Variants in FGF3 observed in about 807,000 individuals in gnomAD.
The protein encoded by FGF3 is FGF-3.
Under a neutral mutation model 9.8 loss-of-function variants are expected in FGF3, and 7 were observed. That is an observed-to-expected ratio of 0.72 (90% CI 0.41 to 1.35). The LOEUF is 1.35. FGF3 is among the 40% of genes most tolerant of loss of function. The pLI, the probability that FGF3 is intolerant of heterozygous loss-of-function variation, is 0.01. For missense variants in FGF3, 390 were observed against 345.6 expected, an observed-to-expected ratio of 1.13 and a Z score of -1.02; for synonymous variants, 173 against 157.2, an observed-to-expected ratio of 1.10 and a Z score of -0.75.
At chr11:69,817,804 C>T (rs1267551698) in intron 1 of FGF3, among the ~76,000 whole-genome samples, 1 of 152,236 alleles carries the variant, frequency 6.6e-6, no homozygotes, top group Non-Finnish European at 1.5e-5. Context: ...CCCACGCGGT[C>T]CTCCCGGGCC....
At chr11:69,818,677 C>T in intron 1 of FGF3, 37 bp downstream of exon 1, 2 of 1,424,626 alleles carry the variant, frequency 1.4e-6, no homozygotes, top group East Asian at 3.1e-5. Flanking sequence ...CCTCCCGGCG[C>T]CGCTTCCCCC....
In FGF3 at chr11:69,818,975, G is replaced by A; in HGVS notation, c.-42C>T. On this transcript the variant is annotated 5_prime_UTR_variant, in exon 1 of 3. Coordinates refer to ENST00000334134, the MANE Select transcript of FGF3 (RefSeq NM_005247.4). Reference sequence around the variant, plus strand: ...CCCCGCGGCGGCGGCGGCTGCAGGCGAGCGCGGCGCCCATGGAAGGGGCGG... The same window carrying A: ...CCCCGCGGCGGCGGCGGCTGCAGGCAAGCGCGGCGCCCATGGAAGGGGCGG... The A allele has an allele frequency of 7.4e-7, 1 of 1,353,488 alleles. No individual in the cohort carries two copies. The highest frequency in any genetic ancestry group is 9.8e-7 in the Non-Finnish European group (1 of 1,024,000). The allele number at this position is 1,353,488 out of a possible 1,614,324, so 83.8% of individuals were successfully genotyped here.
chr11:69,814,261 A>T (rs1466047993), intron 2 of FGF3, among the ~76,000 whole-genome samples: 1 of 151,962 alleles, frequency 6.6e-6, no homozygotes, highest in Non-Finnish European at 1.5e-5. Context: ...GATGAGGCAG[A>T]GGGAGGTGAG....
At chr11:69,813,868 A>G (rs1420501847) in intron 2 of FGF3, among the ~76,000 whole-genome samples, 440 of 114,192 alleles carry the variant, frequency 3.9e-3, no homozygotes, top group East Asian at 7.5e-3. Context: ...GGATGGATGG[A>G]TAGGTGGATG....
chr11:69,813,557 TGGA>T (rs1856060739), intron 2 of FGF3, among the ~76,000 whole-genome samples: 3 of 150,858 alleles, frequency 2.0e-5, no homozygotes, highest in African/African-American at 7.3e-5. Context: ...GGTGGATGGA[TGGA>T]TGGATGGGTG....
intron 2 of FGF3, among the ~76,000 whole-genome samples, chr11:69,812,560 A>C (rs917443733): frequency 8.5e-5 from 13 of 152,112 alleles, no homozygotes; most frequent in African/African-American, 2.7e-4. Context: ...CAGGCCCTAC[A>C]TTACAGGGGA....
In FGF3 at chr11:69,810,594, C is replaced by A. The variant is rs781807006; in HGVS notation, c.431G>T (p.Arg144Leu). 1 of 1,610,978 alleles carries A rather than the reference C, an allele frequency of 6.2e-7. No individual in the cohort carries two copies. The highest frequency in any genetic ancestry group is 8.5e-7 in the Non-Finnish European group (1 of 1,178,450). ...YRTVSSTPGA[R>L]RQPSAERLWY... is the part of the protein sequence containing the mutation. ...CAGTCTCTCGGCGCTGGGCTGCCGG[C>A]GGGCCCCAGGCGTACTAGACACCGT... The change falls in exon 3 of 3, where the codon CGC becomes CTC. Residue 144 changes from arginine to leucine, a missense_variant. By Grantham distance (102) the Arg-to-Leu change is moderately radical. Transcript: ENST00000334134.
intron 2 of FGF3, among the ~76,000 whole-genome samples, chr11:69,814,377 T>C (rs1452319177): frequency 6.6e-6 from 1 of 150,772 alleles, no homozygotes; most frequent in Non-Finnish European, 1.5e-5. Context: ...TGAGAGTGAG[T>C]GGCTGGTGGG....
At chr11:69,813,979 G>T (rs1257803494) in intron 2 of FGF3, among the ~76,000 whole-genome samples, 1 of 152,022 alleles carries the variant, frequency 6.6e-6, no homozygotes, top group Non-Finnish European at 1.5e-5. Flanking sequence ...TGAAAGGATG[G>T]AAGGAAGGAG....
Position 69,810,639 on chromosome 11 carries a change from T to A in FGF3, c.386A>T (p.Tyr129Phe). 1 of 1,600,616 alleles carries A rather than the reference T, an allele frequency of 6.2e-7. No homozygotes were observed. The highest frequency in any genetic ancestry group is 8.5e-7 in the Non-Finnish European group (1 of 1,171,238). Residue 129 changes from tyrosine to phenylalanine, a missense_variant, in exon 3 of 3, where the codon TAT becomes TTT. Tyr to Phe is a conservative substitution (Grantham distance 22). Coordinates refer to ENST00000334134, the MANE Select transcript of FGF3 (RefSeq NM_005247.4). ...ERIHELGYNT[Y>F]ASRLYRTVSS... ...CACCGTCCGGTACAGCCGGGAGGCA[T>A]ACGTATTATAGCCCAGCTCGTGGAT...
Position 69,811,495 on chromosome 11 carries a change from A to C in FGF3, c.325-795T>G, listed in dbSNP as rs367987057. Among the ~76,000 whole-genome samples the C allele has an allele frequency of 2.0e-4, 30 of 152,052 alleles. No individual in the cohort carries two copies. The South Asian group carries it at 5.8e-3, about 30-fold the overall frequency. On this transcript the variant is annotated intron_variant, in intron 2 of 2. Transcript: ENST00000334134. ...AAAGAAAAAAAAAGAAATTGCAGAA[A>C]AGAAAAAAGAAGAAAGAACACAAAA...
At position 69,819,083 on chromosome 11, in the gene FGF3, G is replaced by T; in HGVS notation, c.-150C>A. 1 of 453,876 alleles carries T rather than the reference G, an allele frequency of 2.2e-6. No homozygotes were observed. Among genetic ancestry groups the T allele is most frequent in the South Asian group, 4.0e-5 (1 of 25,066 alleles). 28.1% of individuals were successfully genotyped at this position (453,876 alleles called of 1,614,324 possible). On this transcript the variant is annotated 5_prime_UTR_variant, in exon 1 of 3. Transcript: ENST00000334134. ...CGGCTTCGCGGGAAAGGTGGGGGAAGAAGGGGGAAGGGTGGGCGAGAGAGA... is the reference window on the plus strand; with the variant it reads ...CGGCTTCGCGGGAAAGGTGGGGGAATAAGGGGGAAGGGTGGGCGAGAGAGA...
chr11:69,813,779 G>GATGGATGC lies in FGF3; in HGVS notation c.324+2540_324+2541insGCATCCAT, dbSNP rs1554980748. Among the ~76,000 whole-genome samples, 74 of 143,270 alleles carry GATGGATGC rather than the reference G, an allele frequency of 5.2e-4. 2 individuals carry two copies. The highest frequency in any genetic ancestry group is 8.6e-4 in the Non-Finnish European group (55 of 64,262). 94.0% of individuals were successfully genotyped at this position (143,270 alleles called of 152,430 possible). On this transcript the variant is annotated intron_variant, in intron 2 of 2. Coordinates refer to ENST00000334134, the MANE Select transcript of FGF3 (RefSeq NM_005247.4). ...GGATGGGTGGATGGGTGGATGGATG[G>GATGGATGC]ATGGATGGATGGATGGATGGATGGA... is the stretch of plus-strand genomic sequence containing the variant.
At chr11:69,817,216 G>A (rs1377458908) in intron 1 of FGF3, among the ~76,000 whole-genome samples, 4 of 152,078 alleles carry the variant, frequency 2.6e-5, no homozygotes, top group Non-Finnish European at 5.9e-5. Context: ...GAGGCTGCGA[G>A]GGGATTGGGG....
chr11:69,817,834 T>C (rs1405864005), intron 1 of FGF3, among the ~76,000 whole-genome samples: 1 of 152,132 alleles, frequency 6.6e-6, no homozygotes, highest in Non-Finnish European at 1.5e-5. Context: ...GCTATCCTGC[T>C]CCTCAAAGGG....
intron 1 of FGF3, among the ~76,000 whole-genome samples, chr11:69,817,180 C>T (rs1180354259): frequency 6.6e-6 from 1 of 151,890 alleles, no homozygotes; most frequent in Non-Finnish European, 1.5e-5. Flanking sequence ...CATCAAAGGA[C>T]GGGTTGGGGT....
intron 2 of FGF3, among the ~76,000 whole-genome samples, chr11:69,813,596 GTGGATGGATGGA>G (rs1362257921): frequency 1.5e-5 from 1 of 67,228 alleles, no homozygotes; most frequent in Non-Finnish European, 3.2e-5. Flanking sequence ...AGATGGGTGG[GTGGATGGATGGA>G]TGGATGGGTG....
chr11:69,816,248 C>T (rs996914025), intron 2 of FGF3, 72 bp downstream of exon 2: 13 of 1,186,094 alleles, frequency 1.1e-5, no homozygotes, highest in South Asian at 3.6e-5. Context: ...CCACATCCCC[C>T]GTCCCCTGGC....
intron 2 of FGF3, among the ~76,000 whole-genome samples, chr11:69,811,450 C>CAAAAAAAAAAAAAA (rs33951596): frequency 1.0e-5 from 1 of 97,360 alleles, no homozygotes; most frequent in Non-Finnish European, 2.1e-5. Context: ...AACTCTGACT[C>CAAAAAAAAAAAAAA]AAAAAAAAAA....
Sources: allele counts gnomAD v4.1 joint callset (sites outside exome capture counted in the v4.1 genomes callset), GRCh38; gene constraint gnomAD v4.1.1; transcripts MANE v1.5; gene names NCBI Gene and HGNC (gene_info 2026-07-23, HGNC 2026-07-21).